TMA7: variants seen among roughly 807,000 people sequenced by gnomAD.
TMA7 encodes translation machinery associated 7 homolog.
TMA7 carries 5 observed loss-of-function variants against 12.5 expected under a neutral mutation model. The ratio of observed to expected loss-of-function variants is 0.40; its 90% CI spans 0.21 to 0.84. TMA7 has a LOEUF of 0.84. TMA7 is among the 40% of genes least tolerant of loss of function. TMA7 has a pLI of 0.36. For missense variants in TMA7, 71 were observed against 75.4 expected (o/e 0.94, Z 0.22); for synonymous variants, 36 against 28.1 (o/e 1.28, Z -0.89).
intron 3 of TMA7, among the ~76,000 whole-genome samples, chr3:48,442,273 A>AAAG (rs1560097255): frequency 1.3e-5 from 2 of 149,684 alleles, no homozygotes; most frequent in Non-Finnish European, 1.5e-5. Context: ...AAAAAAAAAA[A>AAAG]AAAAAAGGTA....
Position 48,440,284 on chromosome 3 carries a change from G to C in TMA7, c.-13G>C, listed in dbSNP as rs2039522664. On this transcript the variant is annotated 5_prime_UTR_variant, in exon 1 of 4. Coordinates refer to ENST00000438607, the MANE Select transcript of TMA7 (RefSeq NM_015933.6). ...TTCCGGTGGCAGGGTCTGGGGAAGC[G>C]GCGGCAGGCGCCATGTCCGGCCGCG... The C allele has an allele frequency of 1.9e-6, 3 of 1,601,356 alleles. No individual in the cohort carries two copies. The highest frequency in any genetic ancestry group is 2.6e-6 in the Non-Finnish European group (3 of 1,173,792).
intron 3 of TMA7, among the ~76,000 whole-genome samples, chr3:48,443,327 C>A (rs554525040): frequency 6.6e-6 from 1 of 150,872 alleles, no homozygotes; most frequent in South Asian, 2.1e-4. Flanking sequence ...GCAGGCAGAT[C>A]ACCTGAGGTC....
At chr3:48,440,953 C>T in intron 3 of TMA7, 1 of 438,486 alleles carries the variant, frequency 2.3e-6, no homozygotes, top group Non-Finnish European at 4.1e-6. Flanking sequence ...CAATCTTTTG[C>T]CCCAAATTCG....
chr3:48,443,143 T>C (rs763655074), intron 3 of TMA7, among the ~76,000 whole-genome samples: 2 of 146,246 alleles, frequency 1.4e-5, no homozygotes, highest in Non-Finnish European at 3.0e-5. Context: ...GGAAGGCTCA[T>C]GCATGAAGAA....
intron 3 of TMA7, among the ~76,000 whole-genome samples, chr3:48,442,696 C>T (rs571978129): frequency 3.2e-4 from 49 of 152,006 alleles, no homozygotes; most frequent in African/African-American, 1.1e-3. Context: ...GTGATCCACC[C>T]GCCTCCACCT....
In TMA7 at chr3:48,441,784, C is replaced by T. The variant is rs916273312; in HGVS notation, c.160+1156C>T. Reference sequence around the variant, plus strand: ...TATTTCCTCCACAGTTGTTTATGCCCCCATTTGAGCACTGTGAGCCATGCT... The same window carrying T: ...TATTTCCTCCACAGTTGTTTATGCCTCCATTTGAGCACTGTGAGCCATGCT... On this transcript the variant is annotated intron_variant, in intron 3 of 3. Transcript: ENST00000438607. Among the ~76,000 whole-genome samples, 8 of 152,138 alleles carry T rather than the reference C, an allele frequency of 5.3e-5. No individual in the cohort carries two copies. In the South Asian group the frequency reaches 1.7e-3, roughly 31 times the overall value.
intron 3 of TMA7, 170 bp downstream of exon 3, chr3:48,440,798 G>C: frequency 1.5e-6 from 1 of 652,564 alleles, no homozygotes; most frequent in Non-Finnish European, 2.7e-6. Context: ...GGCAGTAAGG[G>C]CCGGGAGCTG....
Position 48,444,127 on chromosome 3 carries a change from A to T in TMA7, c.*245A>T. On this transcript the variant is annotated 3_prime_UTR_variant, in exon 4 of 4. Transcript: ENST00000438607. ...GAATTTAAAGTAAAACCAGCTCAGA[A>T]TCTTGCCAGAGTCTGTTCTTTGGTC... 2.8e-6 allele frequency: 1 copy of T among 357,672 alleles called. No individual in the cohort carries two copies. The highest frequency in any genetic ancestry group is 4.2e-5 in the East Asian group (1 of 23,734). 22.2% of individuals were successfully genotyped at this position (357,672 alleles called of 1,614,324 possible).
chr3:48,443,754 A>G, intron 3 of TMA7, 94 bp from the exon 4 acceptor site: 1 of 1,023,962 alleles, frequency 9.8e-7, no homozygotes, highest in Non-Finnish European at 1.4e-6. Context: ...GCCCAATACA[A>G]AAGCCAGGCT....
rs575657745 is a variant in TMA7 at position 48,442,684 on chromosome 3, T to A, written c.161-1164T>A. Among the ~76,000 whole-genome samples the A allele has an allele frequency of 2.0e-5, 3 of 152,030 alleles. No homozygotes were observed. In the East Asian group the frequency reaches 5.9e-4, roughly 30 times the overall value. On this transcript the variant is annotated intron_variant, in intron 3 of 3. Coordinates refer to ENST00000438607, the MANE Select transcript of TMA7 (RefSeq NM_015933.6). ...CCAGGATGGTCTCGATCTCCTGACCTCGTGATCCACCCGCCTCCACCTCCC... is the reference window on the plus strand; with the variant it reads ...CCAGGATGGTCTCGATCTCCTGACCACGTGATCCACCCGCCTCCACCTCCC...
rs1401525374 is a variant in TMA7 at position 48,440,642 on chromosome 3, G to A, written c.160+14G>A. 2 of 1,607,156 alleles carry A rather than the reference G, an allele frequency of 1.2e-6. No homozygotes were observed. The highest frequency in any genetic ancestry group is 1.7e-6 in the Non-Finnish European group (2 of 1,177,510). On this transcript the variant is annotated intron_variant, in intron 3 of 3. Transcript: ENST00000438607. ...AGGGGCCCTTGGGTAAGTGGGGGCC[G>A]AATGGAGCTCAAGCTGGCCAAACGC...
intron 3 of TMA7, 109 bp from the exon 4 acceptor site, chr3:48,443,739 T>C (rs2039619373): frequency 1.0e-5 from 8 of 767,370 alleles, no homozygotes; most frequent in Non-Finnish European, 1.6e-5. Context: ...TGTGTTAAAG[T>C]GAATGCCCAA....
At chr3:48,443,724 A>C in intron 3 of TMA7, 124 bp from the exon 4 acceptor site, 1 of 630,046 alleles carries the variant, frequency 1.6e-6, no homozygotes, top group South Asian at 2.7e-5. Context: ...GCTGCTATCC[A>C]TGCTTGTGTT....
At chr3:48,440,675 A>G in intron 3 of TMA7, 47 bp downstream of exon 3, 1 of 1,555,598 alleles carries the variant, frequency 6.4e-7, no homozygotes, top group Non-Finnish European at 8.8e-7. Flanking sequence ...CGCTATGAGC[A>G]CCTATTGGGA....
Position 48,443,884 on chromosome 3 carries a change from C to T in TMA7, c.*2C>T. The T allele has an allele frequency of 6.4e-7, 1 of 1,555,088 alleles. No homozygotes were observed. The highest frequency in any genetic ancestry group is 8.6e-7 in the Non-Finnish European group (1 of 1,156,478). Reference sequence around the variant, plus strand: ...ATTAAGAAATCTGGCAAAAAGTAAGCTGTTCCTTGTGCCTGAGGAGATGGT... The same window carrying T: ...ATTAAGAAATCTGGCAAAAAGTAAGTTGTTCCTTGTGCCTGAGGAGATGGT... On this transcript the variant is annotated 3_prime_UTR_variant, in exon 4 of 4. Transcript: ENST00000438607.
chr3:48,440,344 G>C, intron 1 of TMA7, 32 bp downstream of exon 1: 1 of 1,611,926 alleles, frequency 6.2e-7, no homozygotes, highest in Non-Finnish European at 8.5e-7. Flanking sequence ...GGACTGCGGG[G>C]ACGGCGGGGT....
chr3:48,443,517 G>C (rs1049402929), intron 3 of TMA7, among the ~76,000 whole-genome samples: 7 of 150,280 alleles, frequency 4.7e-5, no homozygotes, highest in Middle Eastern at 3.4e-3. Flanking sequence ...CTGGGCGACA[G>C]AGCAAGATTC....
chr3:48,440,696 GGCATGTCT>G lies in TMA7; in HGVS notation c.160+69_160+76del, dbSNP rs1169153613. The G allele has an allele frequency of 7.0e-6, 10 of 1,437,604 alleles. No individual in the cohort carries two copies. The African/African-American group carries it at 1.1e-4, about 16-fold the overall frequency. 89.1% of individuals were successfully genotyped at this position (1,437,604 alleles called of 1,614,324 possible). On this transcript the variant is annotated intron_variant, in intron 3 of 3. Transcript: ENST00000438607. The stretch of plus-strand genomic sequence containing the variant: ...GAGCACCTATTGGGATGAGGGCGCG[GGCATGTCT>G]TTTTCCTGCCTCCTGAACTGCGAGG...
At chr3:48,443,629 A>C (rs1287063375) in intron 3 of TMA7, among the ~76,000 whole-genome samples, 1 of 152,034 alleles carries the variant, frequency 6.6e-6, no homozygotes. Flanking sequence ...AGAAGTGTAG[A>C]TCTAGACCAG....
Sources: allele counts gnomAD v4.1 joint callset (sites outside exome capture counted in the v4.1 genomes callset), GRCh38; gene constraint gnomAD v4.1.1; transcripts MANE v1.5; gene names NCBI Gene and HGNC (gene_info 2026-07-23, HGNC 2026-07-21).